EPHA5: variants seen among roughly 807,000 people sequenced by gnomAD.
EPHA5 encodes ephrin type-A receptor 5.
EPHA5 carries 60 observed loss-of-function variants against 105.0 expected under a neutral mutation model. That is an observed-to-expected ratio of 0.57 (90% CI 0.46 to 0.71). The LOEUF (loss-of-function observed/expected upper bound fraction) is 0.71, where lower values mean the gene tolerates loss of function less well. Ranked by LOEUF, EPHA5 falls within the 30% of genes least tolerant of loss-of-function variation. The pLI is 0.00. For synonymous variants in EPHA5, 513 were observed against 449.1 expected (o/e 1.14, Z -1.80); for missense variants, 1,218 against 1,274.7 (o/e 0.96, Z 0.68).
intron 3 of EPHA5, among the ~76,000 whole-genome samples, chr4:65,527,817 GT>G (rs1346826732): frequency 3.3e-5 from 5 of 151,978 alleles, no homozygotes; most frequent in African/African-American, 1.2e-4. Flanking sequence ...TCCACTAATT[GT>G]TTTTCCTGAT....
chr4:65,450,637 A>G (rs565204669), intron 5 of EPHA5, among the ~76,000 whole-genome samples: 1 of 152,322 alleles, frequency 6.6e-6, no homozygotes, highest in African/African-American at 2.4e-5. Context: ...CAAACAATTA[A>G]ACCTAGAGAT....
In EPHA5 at chr4:65,480,861, A is replaced by G. The variant is rs915320896; in HGVS notation, c.1402+9516T>C. 3.5e-5 allele frequency among the ~76,000 whole-genome samples: 4 copies of G among 115,828 alleles called. No individual in the cohort carries two copies. The East Asian group carries it at 9.7e-4, about 28-fold the overall frequency. The allele number at this position is 115,828 out of a possible 152,430, so 76.0% of individuals were successfully genotyped here. ...GTATATTTTGAGTGCAACTAAGAAT[A>G]CAAACATTAATAATAATAATAATAA... is the stretch of plus-strand genomic sequence containing the variant. On this transcript the variant is annotated intron_variant, in intron 5 of 16. Transcript: ENST00000613740.
chr4:65,372,482 C>A lies in EPHA5; in HGVS notation c.1794-5058G>T, dbSNP rs138922819. On this transcript the variant is annotated intron_variant, in intron 8 of 16. Coordinates refer to ENST00000613740, the MANE Select transcript of EPHA5 (RefSeq NM_001281766.3). ...CTGTGTGAGTCATTTATATTTTCCT[C>A]ATTTATAATACCAGAATATTTGCAT... Among the ~76,000 whole-genome samples, 296 of 151,892 alleles carry A rather than the reference C, an allele frequency of 1.9e-3. 6 individuals are homozygous for A. The highest frequency in any genetic ancestry group is 0.016 in the Admixed American group (248 of 15,214).
intron 1 of EPHA5, among the ~76,000 whole-genome samples, chr4:65,655,370 T>C (rs1450811935): frequency 6.6e-6 from 1 of 151,976 alleles, no homozygotes; most frequent in Non-Finnish European, 1.5e-5. Flanking sequence ...GAGACGAAAA[T>C]GCAAGCAACT....
chr4:65,481,346 G>A (rs60248514), intron 5 of EPHA5, among the ~76,000 whole-genome samples: 1 of 152,094 alleles, frequency 6.6e-6, no homozygotes, highest in Non-Finnish European at 1.5e-5. Flanking sequence ...TGCCTTTTGA[G>A]AAAATGAGAC....
At chr4:65,604,246 A>G (rs1393374039) in intron 2 of EPHA5, among the ~76,000 whole-genome samples, 1 of 152,184 alleles carries the variant, frequency 6.6e-6, no homozygotes, top group Non-Finnish European at 1.5e-5. Flanking sequence ...TACAAAGTCC[A>G]GGGTACCACA....
Position 65,322,252 on chromosome 4 carries a change from A to G in EPHA5, c.*1862T>C, listed in dbSNP as rs1719695574. On this transcript the variant is annotated 3_prime_UTR_variant, in exon 17 of 17. Transcript: ENST00000613740. ...TTGATGTTTCCTGGTTCTTTAGAAAAGAGGTACTTTACTGCTTAAGTAAAG... is the reference window on the plus strand; with the variant it reads ...TTGATGTTTCCTGGTTCTTTAGAAAGGAGGTACTTTACTGCTTAAGTAAAG... 9 of 223,880 alleles carry G rather than the reference A, an allele frequency of 4.0e-5. No individual in the cohort carries two copies. The South Asian group carries it at 1.6e-3, about 41-fold the overall frequency. The allele number at this position is 223,880 out of a possible 1,614,324, so 13.9% of individuals were successfully genotyped here.
rs187944224 is a variant in EPHA5 at position 65,432,523 on chromosome 4, C to T, written c.1403-11958G>A. Among the ~76,000 whole-genome samples, 462 of 151,986 alleles carry T rather than the reference C, an allele frequency of 3.0e-3. 5 individuals are homozygous for T. Among genetic ancestry groups the T allele is most frequent in the Admixed American group, 0.028 (430 of 15,242 alleles). ...TAGCTTTAGACTTCTGTGTTGAGTT[C>T]CTTTTCGTTGTTCTGTTTTGTTTAT... On this transcript the variant is annotated intron_variant, in intron 5 of 16. Coordinates refer to ENST00000613740, the MANE Select transcript of EPHA5 (RefSeq NM_001281766.3).
chr4:65,645,784 C>A (rs1325727840), intron 1 of EPHA5, among the ~76,000 whole-genome samples: 1 of 151,872 alleles, frequency 6.6e-6, no homozygotes, highest in African/African-American at 2.4e-5. Flanking sequence ...GTGATATGGT[C>A]AAATAGTTTT....
At chr4:65,344,967 A>G (rs1046628248) in intron 14 of EPHA5, among the ~76,000 whole-genome samples, 1 of 152,200 alleles carries the variant, frequency 6.6e-6, no homozygotes, top group African/African-American at 2.4e-5. Context: ...TTGGAGAACC[A>G]GATTGAAATT....
At chr4:65,331,378 A>T (rs1720599936) in intron 16 of EPHA5, 2 of 1,041,326 alleles carry the variant, frequency 1.9e-6, no homozygotes, top group East Asian at 1.2e-4. Context: ...TTTATCTTAA[A>T]CGTGCAAACA....
intron 1 of EPHA5, among the ~76,000 whole-genome samples, chr4:65,646,212 A>AT (rs1036255473): frequency 1.8e-4 from 27 of 152,208 alleles, no homozygotes; most frequent in Non-Finnish European, 3.4e-4. Context: ...TTATTACTTA[A>AT]TATTCTATGA....
chr4:65,551,272 GTGTGTGTGTATA>G (rs1737885471), intron 3 of EPHA5, among the ~76,000 whole-genome samples: 1 of 101,544 alleles, frequency 9.8e-6, no homozygotes, highest in Non-Finnish European at 2.1e-5. Context: ...GTGTGTGTGT[GTGTGTGTGTATA>G]TATATATATA....
chr4:65,593,674 T>C (rs1439197817), intron 3 of EPHA5, among the ~76,000 whole-genome samples: 1 of 152,188 alleles, frequency 6.6e-6, no homozygotes, highest in Non-Finnish European at 1.5e-5. Context: ...TAACATTTAA[T>C]ATTTCACAGA....
intron 5 of EPHA5, among the ~76,000 whole-genome samples, chr4:65,451,295 T>C (rs1336262457): frequency 6.6e-6 from 1 of 152,168 alleles, no homozygotes; most frequent in East Asian, 1.9e-4. Context: ...TCAAGTATCT[T>C]CAAATAATCT....
chr4:65,423,758 C>A (rs896377272), intron 5 of EPHA5, among the ~76,000 whole-genome samples: 1 of 151,242 alleles, frequency 6.6e-6, no homozygotes, highest in Non-Finnish European at 1.5e-5. Flanking sequence ...TGCTCCAGTC[C>A]TAGAGTCATT....
At chr4:65,562,841 C>T (rs1255058050) in intron 3 of EPHA5, among the ~76,000 whole-genome samples, 1 of 151,770 alleles carries the variant, frequency 6.6e-6, no homozygotes, top group Non-Finnish European at 1.5e-5. Context: ...TGGTACATGC[C>T]TATAGTTGTA....
chr4:65,572,831 G>A (rs578218983), intron 3 of EPHA5, among the ~76,000 whole-genome samples: 1 of 151,122 alleles, frequency 6.6e-6, no homozygotes, highest in South Asian at 2.1e-4. Flanking sequence ...AGGAGTTTGA[G>A]ACCAGCCTGG....
chr4:65,377,485 A>G (rs1299545347), intron 8 of EPHA5, among the ~76,000 whole-genome samples: 2 of 151,934 alleles, frequency 1.3e-5, no homozygotes, highest in Non-Finnish European at 2.9e-5. Context: ...CCTTGGAAAG[A>G]GTATAAAGAC....
Sources: gnomAD v4.1 joint callset for allele counts (sites outside exome capture counted in the v4.1 genomes callset) on GRCh38, gnomAD v4.1.1 for gene constraint, MANE v1.5 for transcripts, NCBI Gene and HGNC (gene_info 2026-07-23, HGNC 2026-07-21) for gene names.